The following DAB2IP variants were observed in gnomAD, a reference collection of about 807,000 sequenced individuals.
DAB2IP encodes the protein disabled homolog 2-interacting protein.
In DAB2IP, 28 loss-of-function variants were observed where a neutral mutation model predicts 107.2. That is an observed-to-expected ratio of 0.26 (90% CI 0.19 to 0.36). DAB2IP has a LOEUF of 0.36. Among genes scored for constraint, DAB2IP ranks in the 10% least tolerant of loss-of-function variants. The pLI is 1.00. For synonymous variants in DAB2IP, 755 were observed against 706.4 expected (o/e 1.07, Z -1.09); for missense variants, 1,400 against 1,644.7 (o/e 0.85, Z 2.57).
chr9:121,616,983 G>T (rs1217326037), intron 1 of DAB2IP, among the ~76,000 whole-genome samples: 3 of 152,190 alleles, frequency 2.0e-5, no homozygotes, highest in Non-Finnish European at 4.4e-5. Context: ...ATGAAGGGTG[G>T]ACCTCAGGGT....
At chr9:121,611,982 G>A (rs988413892) in intron 1 of DAB2IP, among the ~76,000 whole-genome samples, 1 of 152,146 alleles carries the variant, frequency 6.6e-6, no homozygotes, top group Non-Finnish European at 1.5e-5. Context: ...CTTATTATTT[G>A]CATTATTATT....
chr9:121,620,271 G>A (rs1023293198), intron 1 of DAB2IP, among the ~76,000 whole-genome samples: 2 of 152,126 alleles, frequency 1.3e-5, no homozygotes, highest in African/African-American at 4.8e-5. Context: ...CCAGCTGGAG[G>A]TGTGGCTGTT....
chr9:121,746,661 G>T (rs1185647109), intron 3 of DAB2IP, among the ~76,000 whole-genome samples: 1 of 152,134 alleles, frequency 6.6e-6, no homozygotes, highest in South Asian at 2.1e-4. Context: ...CCGCATTCTA[G>T]GGGGGGCCCA....
At chr9:121,751,911 C>G in intron 3 of DAB2IP, 1 of 985,372 alleles carries the variant, frequency 1.0e-6, no homozygotes, top group Non-Finnish European at 1.2e-6. Flanking sequence ...TTGGCTGTCC[C>G]GTGTGTGACC....
At position 121,782,080 on chromosome 9, in the gene DAB2IP, T is replaced by C. The variant is rs1213234318; in HGVS notation, c.3403-251T>C. On this transcript the variant is annotated intron_variant, in intron 15 of 15. Coordinates refer to ENST00000408936, the Ensembl canonical transcript of DAB2IP. This position sits in a 1 kb window ranked among gnomAD's most constrained non-coding sequence, Gnocchi z 6.1. The stretch of plus-strand genomic sequence containing the variant: ...GCACACACATGTGAGCAAGGGTGCC[T>C]GCCCTAGGGGCCGCAGGCAGCCCAT... Among the ~76,000 whole-genome samples, 1 of 152,154 alleles carries C rather than the reference T, an allele frequency of 6.6e-6. No homozygotes were observed. The highest frequency in any genetic ancestry group is 1.5e-5 in the Non-Finnish European group (1 of 67,998).
chr9:121,647,849 T>TATAC, upstream of DAB2IP, among the ~76,000 whole-genome samples: 1 of 149,250 alleles, frequency 6.7e-6, no homozygotes, highest in Non-Finnish European at 1.5e-5. Flanking sequence ...ATATTATATA[T>TATAC]ATACATACAT....
chr9:121,653,063 T>G (rs1032256458), intron 1 of DAB2IP, among the ~76,000 whole-genome samples: 5 of 152,094 alleles, frequency 3.3e-5, no homozygotes, highest in Non-Finnish European at 7.4e-5. Flanking sequence ...CAAGGGTCTC[T>G]CAAAGCCTGC....
exon 9 of DAB2IP, chr9:121,766,652 A>T: frequency 6.2e-7 from 1 of 1,614,154 alleles, no homozygotes; most frequent in South Asian, 1.1e-5. Context: ...AACCTGCTGC[A>T]GGAGTACCCT....
intron 2 of DAB2IP, among the ~76,000 whole-genome samples, chr9:121,696,176 C>T (rs919344033): frequency 1.3e-5 from 2 of 152,176 alleles, no homozygotes; most frequent in Non-Finnish European, 2.9e-5. Flanking sequence ...GCAACTTTAT[C>T]CACTTTTATC....
chr9:121,660,681 C>T (rs1378036768), intron 1 of DAB2IP, among the ~76,000 whole-genome samples: 1 of 152,176 alleles, frequency 6.6e-6, no homozygotes, highest in African/African-American at 2.4e-5. Context: ...GCGAGTTTCC[C>T]ATAACATCCA....
chr9:121,679,649 C>T (rs981224149), intron 2 of DAB2IP, among the ~76,000 whole-genome samples: 2 of 151,948 alleles, frequency 1.3e-5, no homozygotes, highest in East Asian at 1.9e-4. Flanking sequence ...TCTGGCATGC[C>T]TGCTGTGTGC....
At chr9:121,713,596 G>A (rs1203382750) in intron 3 of DAB2IP, among the ~76,000 whole-genome samples, 1 of 152,036 alleles carries the variant, frequency 6.6e-6, no homozygotes, top group Admixed American at 6.5e-5. Context: ...GTGCAGGGGT[G>A]AAGGAGCAGG....
chr9:121,746,158 C>T (rs574292037), intron 3 of DAB2IP, among the ~76,000 whole-genome samples: 37 of 152,110 alleles, frequency 2.4e-4, no homozygotes, highest in Admixed American at 6.5e-4. Flanking sequence ...AGGAAGAAGC[C>T]AGGAGCATCC....
chr9:121,757,308 A>T lies in DAB2IP; in HGVS notation c.516+142A>T, dbSNP rs116349913. ...TGGGGACAGTGGCTAGTAGTTACCGATAGCTTTCAGCTCCTAAGAGACCTG... is the reference window on the plus strand; with the variant it reads ...TGGGGACAGTGGCTAGTAGTTACCGTTAGCTTTCAGCTCCTAAGAGACCTG... On this transcript the variant is annotated intron_variant, in intron 4 of 15. Coordinates refer to ENST00000408936, the Ensembl canonical transcript of DAB2IP. The T allele has an allele frequency of 2.1e-3, 2,402 of 1,119,070 alleles. 21 individuals are homozygous for T. In the African/African-American group the frequency reaches 0.026, roughly 12 times the overall value. 69.3% of individuals were successfully genotyped at this position (1,119,070 alleles called of 1,614,324 possible).
At chr9:121,732,027 G>A (rs1033716800) in intron 3 of DAB2IP, among the ~76,000 whole-genome samples, 6 of 152,138 alleles carry the variant, frequency 3.9e-5, no homozygotes, top group African/African-American at 1.4e-4. Context: ...GGAGCCCAGA[G>A]TGGCACTGGA....
chr9:121,664,520 T>C (rs890204948), intron 1 of DAB2IP, among the ~76,000 whole-genome samples: 2 of 152,250 alleles, frequency 1.3e-5, no homozygotes, highest in South Asian at 4.1e-4. Context: ...TTTCCAAGCC[T>C]TGAATGTAGT....
In DAB2IP at chr9:121,682,913, C is replaced by T. The variant is rs541312486; in HGVS notation, c.228+4132C>T. Among the ~76,000 whole-genome samples, 172 of 152,044 alleles carry T rather than the reference C, an allele frequency of 1.1e-3. 1 individual carries two copies. The highest frequency in any genetic ancestry group is 6.5e-3 in the South Asian group (31 of 4,806). ...GGCTCTCCAGGACCACACAGTGCTA[C>T]GAGGCTGGCATGTGCCCTGCAAGTT... On this transcript the variant is annotated intron_variant, in intron 2 of 15. Transcript: ENST00000408936.
intron 3 of DAB2IP, among the ~76,000 whole-genome samples, chr9:121,735,790 A>G (rs1831855162): frequency 6.6e-6 from 1 of 152,214 alleles, no homozygotes; most frequent in Non-Finnish European, 1.5e-5. Flanking sequence ...GGGTGACCCC[A>G]GGCAAAAATA....
intron 2 of DAB2IP, among the ~76,000 whole-genome samples, chr9:121,683,199 C>A (rs1177147303): frequency 6.6e-6 from 1 of 152,162 alleles, no homozygotes; most frequent in Non-Finnish European, 1.5e-5. Flanking sequence ...AGGCCCTGGA[C>A]CCCTTAGCAG....
Sources: allele counts gnomAD v4.1 joint callset (sites outside exome capture counted in the v4.1 genomes callset), GRCh38; gene constraint gnomAD v4.1.1; non-coding constraint Gnocchi (gnomAD v3.1); transcripts MANE v1.5; gene names NCBI Gene and HGNC (gene_info 2026-07-23, HGNC 2026-07-21).